CCSER1: variants seen among roughly 807,000 people sequenced by gnomAD.
The protein encoded by CCSER1 is serine-rich coiled-coil domain-containing protein 1.
In CCSER1, 41 loss-of-function variants were observed where a neutral mutation model predicts 82.0. The observed-to-expected ratio is 0.50, with a 90% CI of 0.39 to 0.65. The LOEUF is 0.65. Ranked by LOEUF, CCSER1 falls within the 30% of genes least tolerant of loss-of-function variation. The probability of loss-of-function intolerance (pLI) is 0.00; values close to 1 mark genes in which losing one functional copy is unlikely to be tolerated. For synonymous variants in CCSER1, 414 were observed against 383.9 expected (o/e 1.08, Z -0.92); for missense variants, 1,119 against 1,064.2 (o/e 1.05, Z -0.72).
chr4:91,511,985 C>G, intron 10 of CCSER1, among the ~76,000 whole-genome samples: 1 of 152,242 alleles, frequency 6.6e-6, no homozygotes, highest in African/African-American at 2.4e-5. Context: ...GATTACTGAT[C>G]TATAATTACT....
chr4:90,186,051 A>G (rs914848612), intron 1 of CCSER1, among the ~76,000 whole-genome samples: 3 of 152,040 alleles, frequency 2.0e-5, no homozygotes, highest in South Asian at 2.1e-4. Flanking sequence ...AATGTATTCA[A>G]CAGCTCTCAA....
At chr4:90,516,178 G>A (rs1298291685) in intron 5 of CCSER1, among the ~76,000 whole-genome samples, 2 of 152,080 alleles carry the variant, frequency 1.3e-5, no homozygotes, top group African/African-American at 4.8e-5. Context: ...TGAGAAGGAG[G>A]CAGCCAGGTC....
chr4:91,383,496 C>G (rs747084827), intron 10 of CCSER1, among the ~76,000 whole-genome samples: 16 of 151,974 alleles, frequency 1.1e-4, no homozygotes, highest in Non-Finnish European at 2.1e-4. Flanking sequence ...ATTTATGCTT[C>G]TTAATAAATT....
intron 10 of CCSER1, among the ~76,000 whole-genome samples, chr4:91,233,186 A>G (rs1738754763): frequency 6.6e-6 from 1 of 151,896 alleles, no homozygotes; most frequent in African/African-American, 2.4e-5. Flanking sequence ...ACAATGAGAA[A>G]GCACTCTTCT....
chr4:91,055,508 C>A (rs1462156563), intron 9 of CCSER1, among the ~76,000 whole-genome samples: 1 of 152,046 alleles, frequency 6.6e-6, no homozygotes, highest in Non-Finnish European at 1.5e-5. Context: ...TGAGAGATCT[C>A]CAAATAAGCT....
intron 10 of CCSER1, among the ~76,000 whole-genome samples, chr4:91,235,874 A>G (rs1240473326): frequency 1.2e-4 from 18 of 152,222 alleles, no homozygotes; most frequent in Admixed American, 1.2e-3. Flanking sequence ...GCTGGATTAA[A>G]AAATAACTGA....
chr4:91,036,358 T>C (rs767073068), intron 9 of CCSER1, among the ~76,000 whole-genome samples: 1 of 152,190 alleles, frequency 6.6e-6, no homozygotes, highest in Non-Finnish European at 1.5e-5. Flanking sequence ...TATTTTTCTT[T>C]AAATCTATAA....
intron 10 of CCSER1, among the ~76,000 whole-genome samples, chr4:91,363,470 G>A (rs1362474110): frequency 6.6e-6 from 1 of 151,372 alleles, no homozygotes; most frequent in Non-Finnish European, 1.5e-5. Flanking sequence ...TGAAACAGCT[G>A]ATTCAGTAAC....
chr4:90,693,213 A>G (rs1006361892), intron 6 of CCSER1, among the ~76,000 whole-genome samples: 2 of 151,946 alleles, frequency 1.3e-5, no homozygotes, highest in South Asian at 2.1e-4. Flanking sequence ...CCTTTTACGT[A>G]TATGTACTTA....
At chr4:90,156,289 C>G (rs1173966506) in intron 1 of CCSER1, among the ~76,000 whole-genome samples, 1 of 152,164 alleles carries the variant, frequency 6.6e-6, no homozygotes, top group African/African-American at 2.4e-5. Context: ...AGTTTTACTT[C>G]CAAGTATGTG....
chr4:91,009,325 G>T (rs573211532), intron 9 of CCSER1, among the ~76,000 whole-genome samples: 1 of 152,320 alleles, frequency 6.6e-6, no homozygotes, highest in East Asian at 1.9e-4. Context: ...CCCTCTCCCA[G>T]TGCTTTCAGG....
intron 10 of CCSER1, among the ~76,000 whole-genome samples, chr4:91,451,738 T>A (rs1056041625): frequency 1.3e-5 from 2 of 151,984 alleles, no homozygotes; most frequent in Non-Finnish European, 2.9e-5. Flanking sequence ...GATAAAAAAA[T>A]ACTTGGGTGG....
chr4:90,810,990 G>A (rs7693414), intron 7 of CCSER1, among the ~76,000 whole-genome samples: 50,368 of 151,282 alleles, frequency 0.33, 8,504 homozygotes, highest in East Asian at 0.41. Context: ...CCACCACCGC[G>A]CCCAACTAAT....
At chr4:91,025,443 T>A (rs28580103) in intron 9 of CCSER1, among the ~76,000 whole-genome samples, 1 of 151,966 alleles carries the variant, frequency 6.6e-6, no homozygotes, top group African/African-American at 2.4e-5. Flanking sequence ...TTAGATGATG[T>A]GCTGGCACTT....
chr4:91,599,115 A>G lies in CCSER1; in HGVS notation c.*58A>G. The G allele has an allele frequency of 7.0e-7, 1 of 1,433,150 alleles. No homozygotes were observed. Among genetic ancestry groups the G allele is most frequent in the Non-Finnish European group, 9.2e-7 (1 of 1,083,776 alleles). The allele number at this position is 1,433,150 out of a possible 1,614,324, so 88.8% of individuals were successfully genotyped here. A position where few individuals can be genotyped will look rare whatever the true frequency, so the allele number is the denominator to read the frequency against. Reference sequence around the variant, plus strand: ...TAAAGATGGTTAGTGTTTCTCGTGCATAGTTCATATTAAAATTGTCATGTA... The same window carrying G: ...TAAAGATGGTTAGTGTTTCTCGTGCGTAGTTCATATTAAAATTGTCATGTA... On this transcript the variant is annotated 3_prime_UTR_variant, in exon 11 of 11. Transcript: ENST00000509176.
At chr4:91,447,489 C>A (rs1294089631) in intron 10 of CCSER1, among the ~76,000 whole-genome samples, 3 of 152,118 alleles carry the variant, frequency 2.0e-5, no homozygotes, top group African/African-American at 7.2e-5. Context: ...TCACTTCCTT[C>A]TCCATGTACC....
At chr4:91,408,658 G>A (rs1560648400) in intron 10 of CCSER1, among the ~76,000 whole-genome samples, 1 of 152,024 alleles carries the variant, frequency 6.6e-6, no homozygotes, top group African/African-American at 2.4e-5. Flanking sequence ...TTGCTGCTGG[G>A]GCATTCAGTA....
intron 7 of CCSER1, among the ~76,000 whole-genome samples, chr4:90,753,986 T>A (rs2149493017): frequency 6.6e-6 from 1 of 152,312 alleles, no homozygotes; most frequent in Non-Finnish European, 1.5e-5. Context: ...TCTATCACTG[T>A]ATTTAAGAAT....
intron 3 of CCSER1, among the ~76,000 whole-genome samples, chr4:90,330,048 T>A (rs1019368179): frequency 6.6e-6 from 1 of 152,188 alleles, no homozygotes; most frequent in Non-Finnish European, 1.5e-5. Context: ...AGATTATTTA[T>A]TTTCCTTTAA....
Sources: allele counts gnomAD v4.1 joint callset (sites outside exome capture counted in the v4.1 genomes callset), GRCh38; gene constraint gnomAD v4.1.1; transcripts MANE v1.5; gene names NCBI Gene and HGNC (gene_info 2026-07-23, HGNC 2026-07-21).